MAPK14: variants seen among roughly 807,000 people sequenced by gnomAD.
MAPK14 encodes the protein mitogen-activated protein kinase 14, also known as CSAID-binding protein.
In MAPK14, 16 loss-of-function variants were observed where a neutral mutation model predicts 49.6. The observed-to-expected ratio is 0.32, with a 90% CI of 0.22 to 0.49. MAPK14 has a LOEUF of 0.49. Ranked by LOEUF, MAPK14 falls within the 20% of genes least tolerant of loss-of-function variation. MAPK14 has a pLI of 0.99. For synonymous variants in MAPK14, 142 were observed against 158.0 expected, an observed-to-expected ratio of 0.90 and a Z score of 0.76; for missense variants, 200 against 441.2, an observed-to-expected ratio of 0.45 and a Z score of 4.90.
intron 3 of MAPK14, among the ~76,000 whole-genome samples, chr6:36,063,453 A>G (rs851015): frequency 0.89 from 135,045 of 152,104 alleles, 60,106 homozygotes; most frequent in East Asian, 1. Flanking sequence ...AGCCGAGCAT[A>G]GTGGTGCATG....
intron 9 of MAPK14, chr6:36,096,778 T>A (rs559683345): frequency 6.6e-6 from 1 of 152,348 alleles, no homozygotes; most frequent in Admixed American, 6.5e-5. Context: ...GAACTAGTGC[T>A]TTCTTGCTTC....
At chr6:36,034,400 G>A (rs1428178814) in intron 1 of MAPK14, among the ~76,000 whole-genome samples, 1 of 152,186 alleles carries the variant, frequency 6.6e-6, no homozygotes, top group African/African-American at 2.4e-5. Flanking sequence ...TGTTACATAA[G>A]TATAGGATAT....
At chr6:36,061,983 C>CT (rs111412920) in intron 3 of MAPK14, among the ~76,000 whole-genome samples, 2,835 of 151,452 alleles carry the variant, frequency 0.019, 81 homozygotes, top group African/African-American at 0.06. Flanking sequence ...TCAGTGTTTT[C>CT]TTTTTTTTTG....
chr6:36,053,947 C>T (rs1763494436), intron 2 of MAPK14, among the ~76,000 whole-genome samples: 1 of 139,488 alleles, frequency 7.2e-6, no homozygotes, highest in Non-Finnish European at 1.6e-5. Context: ...CCTATTTCTA[C>T]AGACAACTTC....
chr6:36,029,168 A>C (rs1450598343), intron 1 of MAPK14: 1 of 152,140 alleles, frequency 6.6e-6, no homozygotes, highest in Non-Finnish European at 1.5e-5. Flanking sequence ...GAGGTATTGT[A>C]AATATTTTTT....
intron 8 of MAPK14, among the ~76,000 whole-genome samples, chr6:36,078,806 G>A (rs1379860193): frequency 6.6e-6 from 1 of 152,182 alleles, no homozygotes; most frequent in African/African-American, 2.4e-5. Context: ...GTTGCCATCT[G>A]TGTAGATACA....
intron 8 of MAPK14, among the ~76,000 whole-genome samples, chr6:36,080,219 G>A (rs964177208): frequency 2.0e-5 from 3 of 152,130 alleles, no homozygotes; most frequent in Non-Finnish European, 4.4e-5. Flanking sequence ...TTACAGGCGC[G>A]AGCCACTGCA....
intron 8 of MAPK14, among the ~76,000 whole-genome samples, chr6:36,095,101 C>T (rs1350529311): frequency 6.6e-6 from 1 of 152,148 alleles, no homozygotes; most frequent in Non-Finnish European, 1.5e-5. Context: ...TTTTTAACTT[C>T]CTTTTTAGGT....
At chr6:36,035,612 C>T (rs1447249438) in intron 1 of MAPK14, among the ~76,000 whole-genome samples, 1 of 151,872 alleles carries the variant, frequency 6.6e-6, no homozygotes, top group Non-Finnish European at 1.5e-5. Flanking sequence ...AGCTAGGCTT[C>T]TTGTACCAAA....
At chr6:36,045,516 A>G (rs903440897) in intron 1 of MAPK14, among the ~76,000 whole-genome samples, 1 of 152,134 alleles carries the variant, frequency 6.6e-6, no homozygotes, top group Non-Finnish European at 1.5e-5. Flanking sequence ...GGGTATTTAA[A>G]AAGGACCTCT....
intron 10 of MAPK14, among the ~76,000 whole-genome samples, chr6:36,104,452 A>T (rs956487070): frequency 8.6e-5 from 13 of 151,580 alleles, no homozygotes; most frequent in African/African-American, 3.2e-4. Context: ...CAGTGGTGCG[A>T]TCTCGGCTCA....
intron 3 of MAPK14, among the ~76,000 whole-genome samples, chr6:36,060,444 T>C (rs756443927): frequency 6.6e-6 from 1 of 152,206 alleles, no homozygotes; most frequent in African/African-American, 2.4e-5. Context: ...AAAAAAACCT[T>C]AAACACAGTT....
In MAPK14 at chr6:36,081,300, A is replaced by G. The variant is rs772479827; in HGVS notation, c.682+4692A>G. Among the ~76,000 whole-genome samples, 6 of 152,242 alleles carry G rather than the reference A, an allele frequency of 3.9e-5. No individual in the cohort carries two copies. In the Middle Eastern group the frequency reaches 0.01, roughly 259 times the overall value. On this transcript the variant is annotated intron_variant, in intron 8 of 11. Transcript: ENST00000229794. ...GTTTTCTACTAAGAGTTTTGTAACT[A>G]CTAGGAATATAATAGGGTTTAGCTC...
chr6:36,089,640 C>G (rs1765138740), intron 8 of MAPK14, among the ~76,000 whole-genome samples: 1 of 151,994 alleles, frequency 6.6e-6, no homozygotes, highest in South Asian at 2.1e-4. Flanking sequence ...TTTGCAGAAC[C>G]CTTCCATCTG....
At chr6:36,111,847 G>C (rs1004712337), downstream of MAPK14, among the ~76,000 whole-genome samples, 1 of 152,176 alleles carries the variant, frequency 6.6e-6, no homozygotes, top group African/African-American at 2.4e-5. Flanking sequence ...CATCCCCAGT[G>C]ACTTCGTAAG....
At chr6:36,063,900 G>C (rs550913986) in intron 3 of MAPK14, among the ~76,000 whole-genome samples, 2 of 152,278 alleles carry the variant, frequency 1.3e-5, no homozygotes, top group South Asian at 4.1e-4. Context: ...GGGCCTTTCT[G>C]TTGGCTTCTT....
intron 8 of MAPK14, among the ~76,000 whole-genome samples, chr6:36,090,880 G>A (rs1320513645): frequency 6.6e-6 from 1 of 152,190 alleles, no homozygotes; most frequent in Non-Finnish European, 1.5e-5. Context: ...CTCAGGAAAA[G>A]GTAGAATCCT....
chr6:36,096,182 C>T (rs1201712462), intron 9 of MAPK14, 116 bp downstream of exon 9: 9 of 703,546 alleles, frequency 1.3e-5, no homozygotes, highest in African/African-American at 7.1e-5. Flanking sequence ...TGTGTGCTGA[C>T]TTCCCGGATG....
At chr6:36,059,822 C>T (rs1056179884) in intron 3 of MAPK14, among the ~76,000 whole-genome samples, 2 of 152,152 alleles carry the variant, frequency 1.3e-5, no homozygotes, top group Admixed American at 1.3e-4. Context: ...CTGGCCGATC[C>T]CAACTTTTAA....
Sources: allele counts gnomAD v4.1 joint callset (sites outside exome capture counted in the v4.1 genomes callset), GRCh38; gene constraint gnomAD v4.1.1; transcripts MANE v1.5; gene names NCBI Gene and HGNC (gene_info 2026-07-23, HGNC 2026-07-21).